CLPB: variants seen among roughly 807,000 people sequenced by gnomAD.
The protein encoded by CLPB is ClpB family mitochondrial disaggregase, also known as mitochondrial disaggregase.
Under a neutral mutation model 78.4 loss-of-function variants are expected in CLPB, and 40 were observed. The observed-to-expected ratio is 0.51, with a 90% CI of 0.40 to 0.66. The LOEUF (loss-of-function observed/expected upper bound fraction) is 0.66, where lower values mean the gene tolerates loss of function less well. Among genes scored for constraint, CLPB ranks in the 30% least tolerant of loss-of-function variants. The pLI, the probability that CLPB is intolerant of heterozygous loss-of-function variation, is 0.00. For missense variants in CLPB, 780 were observed against 886.9 expected (o/e 0.88, Z 1.53); for synonymous variants, 333 against 348.0 (o/e 0.96, Z 0.48).
At chr11:72,343,792 G>A (rs1173693644) in intron 5 of CLPB, among the ~76,000 whole-genome samples, 1 of 152,184 alleles carries the variant, frequency 6.6e-6, no homozygotes, top group Admixed American at 6.5e-5. Flanking sequence ...GAATGGTCCT[G>A]GGTAAAAGAA....
At chr11:72,400,595 A>C (rs183241165) in intron 3 of CLPB, among the ~76,000 whole-genome samples, 1 of 152,234 alleles carries the variant, frequency 6.6e-6, no homozygotes, top group Non-Finnish European at 1.5e-5. Context: ...ACACCTCTCC[A>C]CCTCTCCTTC....
intron 2 of CLPB, among the ~76,000 whole-genome samples, chr11:72,409,181 G>A (rs1368765657): frequency 1.3e-5 from 2 of 152,134 alleles, no homozygotes; most frequent in African/African-American, 4.8e-5. Flanking sequence ...CCAGACTTGT[G>A]GAAGGCCCTT....
chr11:72,329,264 G>A (rs898350870), intron 6 of CLPB, among the ~76,000 whole-genome samples: 1 of 152,120 alleles, frequency 6.6e-6, no homozygotes, highest in African/African-American at 2.4e-5. Flanking sequence ...GAGGGGTGAA[G>A]GAATAGTTCT....
rs931372143 is a variant in CLPB, at chr11:72,291,001, T to G, written c.*2366A>C. Reference sequence around the variant, plus strand: ...ACCACCACCCTCCGCTAGGAGGCACTAAGAATAGCACAGTATCACTTCTGT... The same window carrying G: ...ACCACCACCCTCCGCTAGGAGGCACGAAGAATAGCACAGTATCACTTCTGT... On this transcript the variant is annotated 3_prime_UTR_variant, in exon 16 of 16. Transcript: ENST00000538039. The G allele has an allele frequency of 6.6e-6, 1 of 150,768 alleles. No individual in the cohort carries two copies. Among genetic ancestry groups the G allele is most frequent in the African/African-American group, 2.4e-5 (1 of 41,082 alleles). The allele number at this position is 150,768 out of a possible 1,614,324, so 9.3% of individuals were successfully genotyped here. A position where few individuals can be genotyped will look rare whatever the true frequency, so the allele number is the denominator to read the frequency against.
intron 9 of CLPB, 34 bp downstream of exon 9, chr11:72,307,165 G>A (rs1175292238): frequency 3.1e-6 from 5 of 1,599,016 alleles, no homozygotes; most frequent in South Asian, 1.1e-5. Flanking sequence ...AGGTCTCCAC[G>A]ATCTGCAGAT....
At chr11:72,297,587 G>T (rs1949572669) in intron 11 of CLPB, among the ~76,000 whole-genome samples, 1 of 147,908 alleles carries the variant, frequency 6.8e-6, no homozygotes, top group Non-Finnish European at 1.5e-5. Flanking sequence ...ACTGCTTATG[G>T]GTTCTAATCT....
chr11:72,376,847 T>C (rs1854718412), intron 4 of CLPB, among the ~76,000 whole-genome samples: 1 of 152,064 alleles, frequency 6.6e-6, no homozygotes, highest in Non-Finnish European at 1.5e-5. Context: ...AAGTTTTGTA[T>C]TTTTAGTAGA....
rs575322171 is a variant in CLPB, at chr11:72,399,864, T to C, written c.542+3102A>G. Among the ~76,000 whole-genome samples, 8 of 152,322 alleles carry C rather than the reference T, an allele frequency of 5.3e-5. No individual in the cohort carries two copies. In the East Asian group the frequency reaches 1.3e-3, roughly 26 times the overall value. ...TGGAAGGATTTGGAGATTGATTATA[T>C]GAAAATCAGTATATTTCTAATAAGG... On this transcript the variant is annotated intron_variant, in intron 3 of 15. Transcript: ENST00000538039.
chr11:72,337,114 A>G (rs1420616146), intron 5 of CLPB: 7 of 398,474 alleles, frequency 1.8e-5, no homozygotes, highest in Non-Finnish European at 3.1e-5. Flanking sequence ...ATTCTCCTCT[A>G]CTTTCCCAGA....
At chr11:72,308,834 A>G (rs1949792468) in intron 7 of CLPB, among the ~76,000 whole-genome samples, 1 of 152,178 alleles carries the variant, frequency 6.6e-6, no homozygotes, top group Non-Finnish European at 1.5e-5. Context: ...TTTCGGATAA[A>G]GTTTTCCAGG....
intron 4 of CLPB, among the ~76,000 whole-genome samples, chr11:72,369,423 C>G (rs192418362): frequency 3.9e-5 from 6 of 152,116 alleles, no homozygotes; most frequent in Admixed American, 3.9e-4. Context: ...CCTCCTCCCC[C>G]ACCCCCATCC....
chr11:72,385,074 C>A (rs1855035918), intron 3 of CLPB, among the ~76,000 whole-genome samples: 1 of 152,212 alleles, frequency 6.6e-6, no homozygotes, highest in South Asian at 2.1e-4. Flanking sequence ...AACATTCCAT[C>A]CAACAGCAGT....
At chr11:72,329,579 G>A in intron 6 of CLPB, 128 bp downstream of exon 6, 2 of 609,584 alleles carry the variant, frequency 3.3e-6, no homozygotes, top group South Asian at 4.0e-5. Flanking sequence ...GATAATATCT[G>A]TATTTAAACA....
At chr11:72,325,479 G>T (rs1471033698) in intron 6 of CLPB, among the ~76,000 whole-genome samples, 1 of 152,170 alleles carries the variant, frequency 6.6e-6, no homozygotes, top group Non-Finnish European at 1.5e-5. Flanking sequence ...TTCTCAGGGG[G>T]CCTAAGGAGG....
chr11:72,305,130 T>C (rs952725898), intron 9 of CLPB, among the ~76,000 whole-genome samples: 4 of 152,182 alleles, frequency 2.6e-5, no homozygotes, highest in Non-Finnish European at 4.4e-5. Context: ...CAATGTGAAA[T>C]GGGGACACAC....
intron 12 of CLPB, among the ~76,000 whole-genome samples, chr11:72,295,058 T>C (rs1178301219): frequency 6.6e-6 from 1 of 152,164 alleles, no homozygotes; most frequent in Non-Finnish European, 1.5e-5. Flanking sequence ...TGCTCCTTTT[T>C]TTCAGCACTC....
intron 6 of CLPB, among the ~76,000 whole-genome samples, chr11:72,318,375 ACTGT>A (rs1228196981): frequency 6.6e-6 from 1 of 152,134 alleles, no homozygotes; most frequent in Non-Finnish European, 1.5e-5. Flanking sequence ...GAGCCGTGGG[ACTGT>A]CTGGAGAACA....
intron 2 of CLPB, among the ~76,000 whole-genome samples, chr11:72,422,270 A>C (rs1432592795): frequency 2.7e-5 from 4 of 150,122 alleles, no homozygotes; most frequent in Non-Finnish European, 5.9e-5. Flanking sequence ...CGTCTCAAAA[A>C]AAAAAAAAAA....
At position 72,321,003 on chromosome 11, in the gene CLPB, G is replaced by A. The variant is rs180679481; in HGVS notation, c.874-3783C>T. On this transcript the variant is annotated intron_variant, in intron 6 of 15. Transcript: ENST00000538039. ...GCTGGGATTACAGGCGTGAGCCACC[G>A]CTCCCGGCAATGATTGACTTGTGCC... Among the ~76,000 whole-genome samples, 10 of 152,252 alleles carry A rather than the reference G, an allele frequency of 6.6e-5. No homozygotes were observed. The East Asian group carries it at 1.9e-3, about 29-fold the overall frequency.
Sources: allele counts gnomAD v4.1 joint callset (sites outside exome capture counted in the v4.1 genomes callset), GRCh38; gene constraint gnomAD v4.1.1; transcripts MANE v1.5; gene names NCBI Gene and HGNC (gene_info 2026-07-23, HGNC 2026-07-21).